Variants in COL23A1 observed in about 807,000 individuals in gnomAD.
COL23A1 encodes collagen alpha-1(XXIII) chain.
COL23A1 carries 97 observed loss-of-function variants against 99.3 expected under a neutral mutation model. That is an observed-to-expected ratio of 0.98 (90% CI 0.83 to 1.16). The LOEUF is 1.16. Ranked by LOEUF, COL23A1 falls within the 50% of genes most tolerant of loss-of-function variation. The pLI, the probability that COL23A1 is intolerant of heterozygous loss-of-function variation, is 0.00. For synonymous variants in COL23A1, 320 were observed against 308.2 expected (o/e 1.04, Z -0.40); for missense variants, 762 against 757.4 (o/e 1.01, Z -0.07).
At chr5:178,320,290 C>A (rs556389262) in intron 2 of COL23A1, among the ~76,000 whole-genome samples, 3 of 152,156 alleles carry the variant, frequency 2.0e-5, no homozygotes, top group Admixed American at 2.0e-4. Context: ...TAGTGGGGAC[C>A]CCAAGGTGTT....
chr5:178,406,428 C>CTTTTTT (rs61274419), intron 2 of COL23A1, among the ~76,000 whole-genome samples: 8 of 142,038 alleles, frequency 5.6e-5, no homozygotes, highest in Non-Finnish European at 3.1e-5. Flanking sequence ...TACCTACACT[C>CTTTTTT]TTTTTTTTTT....
At chr5:178,329,483 A>C (rs1759882594) in intron 2 of COL23A1, among the ~76,000 whole-genome samples, 1 of 150,454 alleles carries the variant, frequency 6.6e-6, no homozygotes, top group Non-Finnish European at 1.5e-5. Flanking sequence ...ATGCCTACCC[A>C]CCCCCACCAG....
At chr5:178,322,674 T>C (rs935961522) in intron 2 of COL23A1, among the ~76,000 whole-genome samples, 2 of 152,078 alleles carry the variant, frequency 1.3e-5, no homozygotes, top group African/African-American at 4.8e-5. Context: ...TTCTCACACC[T>C]CACTTTCCTC....
At chr5:178,582,782 C>A (rs1207101997) in intron 1 of COL23A1, among the ~76,000 whole-genome samples, 1 of 152,218 alleles carries the variant, frequency 6.6e-6, no homozygotes, top group East Asian at 1.9e-4. Context: ...TCCCCAGACT[C>A]CCCAACCAGG....
rs184524504 is a variant in COL23A1, at chr5:178,559,055, G to T, written c.361+1627C>A. Reference sequence around the variant, plus strand: ...TCCACCTGCCTCGGCCTCCCAAAGTGCTGGGATTACAGGCGTGGGCCACCG... The same window carrying T: ...TCCACCTGCCTCGGCCTCCCAAAGTTCTGGGATTACAGGCGTGGGCCACCG... On this transcript the variant is annotated intron_variant, in intron 2 of 28. Coordinates refer to ENST00000390654, the MANE Select transcript of COL23A1 (RefSeq NM_173465.4). 2.8e-3 allele frequency among the ~76,000 whole-genome samples: 424 copies of T among 152,326 alleles called. 2 individuals carry two copies. Among genetic ancestry groups the T allele is most frequent in the African/African-American group, 9.9e-3 (413 of 41,574 alleles).
chr5:178,517,552 C>T (rs1211556675), intron 2 of COL23A1, among the ~76,000 whole-genome samples: 1 of 92,736 alleles, frequency 1.1e-5, no homozygotes, highest in East Asian at 6.6e-4. Context: ...CTCTCGGTGA[C>T]AGCAGTTTTT....
chr5:178,547,517 CCACACA>C (rs1476774499), intron 2 of COL23A1, among the ~76,000 whole-genome samples: 1 of 127,704 alleles, frequency 7.8e-6, no homozygotes, highest in Admixed American at 7.9e-5. Context: ...ACCCCCACAC[CCACACA>C]CTCACACCCA....
chr5:178,442,327 G>A lies in COL23A1; in HGVS notation c.361+118355C>T, dbSNP rs544935193. The stretch of plus-strand genomic sequence containing the variant: ...GAGGAAAATTGCCTTTGACTGGTTT[G>A]TCCAAACAGGTTTGCAAATTGAGAT... On this transcript the variant is annotated intron_variant, in intron 2 of 28. Coordinates refer to ENST00000390654, the MANE Select transcript of COL23A1 (RefSeq NM_173465.4). Among the ~76,000 whole-genome samples, 4 of 152,282 alleles carry A rather than the reference G, an allele frequency of 2.6e-5. No homozygotes were observed. In the South Asian group the frequency reaches 8.3e-4, roughly 32 times the overall value.
intron 2 of COL23A1, among the ~76,000 whole-genome samples, chr5:178,517,610 GGA>G (rs1400105127): frequency 2.4e-5 from 3 of 124,574 alleles, no homozygotes; most frequent in Non-Finnish European, 4.7e-5. Context: ...CGCCCAGTCT[GGA>G]ATGCAGTGGC....
chr5:178,307,884 C>A lies in COL23A1; in HGVS notation c.362-965G>T, dbSNP rs1282517920. On this transcript the variant is annotated intron_variant, in intron 2 of 28. Transcript: ENST00000390654. This position sits in a 1 kb window ranked among gnomAD's most constrained non-coding sequence, Gnocchi z 4.2. ...GACAGGTTGTGACCCTATGACAAGG[C>A]ACTGCCCTTTCCTGCAAAAGCCAAC... 6.6e-6 allele frequency among the ~76,000 whole-genome samples: 1 copy of A among 152,234 alleles called. No homozygotes were observed. The highest frequency in any genetic ancestry group is 2.4e-5 in the African/African-American group (1 of 41,456).
At chr5:178,581,939 G>C (rs528291339) in intron 1 of COL23A1, among the ~76,000 whole-genome samples, 1 of 152,232 alleles carries the variant, frequency 6.6e-6, no homozygotes, top group South Asian at 2.1e-4. Flanking sequence ...GGATGAGAAA[G>C]GATTGCGCAG....
intron 2 of COL23A1, among the ~76,000 whole-genome samples, chr5:178,529,513 C>T (rs907449868): frequency 3.9e-5 from 6 of 152,254 alleles, no homozygotes; most frequent in Non-Finnish European, 7.3e-5. Flanking sequence ...AGTGAGAAAT[C>T]TACCCGTGGC....
rs957923418 is a variant in COL23A1 at position 178,281,519 on chromosome 5, C to T, written c.441+6805G>A. Among the ~76,000 whole-genome samples the T allele has an allele frequency of 2.2e-4, 33 of 152,126 alleles. No individual in the cohort carries two copies. The highest frequency in any genetic ancestry group is 3.5e-4 in the Non-Finnish European group (24 of 68,024). Reference sequence around the variant, plus strand: ...CACCGCTCCCTCGACTCCAGAGGGGCTTGGGCACGGCGCTCCGGGGCCCAG... The same window carrying T: ...CACCGCTCCCTCGACTCCAGAGGGGTTTGGGCACGGCGCTCCGGGGCCCAG... On this transcript the variant is annotated intron_variant, in intron 5 of 28. Coordinates refer to ENST00000390654, the MANE Select transcript of COL23A1 (RefSeq NM_173465.4). The surrounding 1 kb of genome is among the most constrained non-coding windows in gnomAD (Gnocchi z 4.0).
chr5:178,530,177 G>A (rs540799919), intron 2 of COL23A1, among the ~76,000 whole-genome samples: 99 of 152,320 alleles, frequency 6.5e-4, no homozygotes, highest in Non-Finnish European at 1.0e-3. Context: ...AAGGCAGAGT[G>A]TGGGCCAGGT....
chr5:178,506,082 G>A (rs1042866156), intron 2 of COL23A1, among the ~76,000 whole-genome samples: 1 of 152,198 alleles, frequency 6.6e-6, no homozygotes, highest in African/African-American at 2.4e-5. Context: ...CACGTGGTAG[G>A]CCGGGTCTGC....
intron 2 of COL23A1, among the ~76,000 whole-genome samples, chr5:178,333,163 G>C (rs964989225): frequency 2.0e-5 from 3 of 151,950 alleles, no homozygotes; most frequent in South Asian, 2.1e-4. Flanking sequence ...TCACCATCTT[G>C]GCCAGGCTGG....
intron 2 of COL23A1, among the ~76,000 whole-genome samples, chr5:178,476,001 G>A (rs577261250): frequency 6.6e-6 from 1 of 152,220 alleles, no homozygotes; most frequent in South Asian, 2.1e-4. Context: ...CCCCCTTTCG[G>A]CAAACTTGAA....
At chr5:178,258,024 C>T (rs984556761) in intron 12 of COL23A1, among the ~76,000 whole-genome samples, 8 of 152,074 alleles carry the variant, frequency 5.3e-5, no homozygotes, top group Non-Finnish European at 1.2e-4. Flanking sequence ...ATGATGGCAC[C>T]TGTGAACAGC....
chr5:178,450,347 G>C (rs898351083), intron 2 of COL23A1, among the ~76,000 whole-genome samples: 12 of 152,182 alleles, frequency 7.9e-5, no homozygotes, highest in Admixed American at 7.9e-4. Context: ...GAACAGATGG[G>C]AGCAGCTTCC....
Sources: allele counts gnomAD v4.1 joint callset (sites outside exome capture counted in the v4.1 genomes callset), GRCh38; gene constraint gnomAD v4.1.1; non-coding constraint Gnocchi (gnomAD v3.1); transcripts MANE v1.5; gene names NCBI Gene and HGNC (gene_info 2026-07-23, HGNC 2026-07-21).